The following NRCAM variants were observed in gnomAD, a reference collection of about 807,000 sequenced individuals.
NRCAM encodes the protein NgCAM-related cell adhesion molecule.
NRCAM carries 83 observed loss-of-function variants against 156.5 expected under a neutral mutation model. The ratio of observed to expected loss-of-function variants is 0.53; its 90% CI spans 0.44 to 0.64. The LOEUF (loss-of-function observed/expected upper bound fraction) is 0.64, where lower values mean the gene tolerates loss of function less well. NRCAM is among the 30% of genes least tolerant of loss of function. NRCAM has a pLI of 0.00. For synonymous variants in NRCAM, 538 were observed against 563.9 expected, an observed-to-expected ratio of 0.95 and a Z score of 0.65; for missense variants, 1,417 against 1,597.3, an observed-to-expected ratio of 0.89 and a Z score of 1.92.
At chr7:108,260,804 A>T (rs1269653) in intron 3 of NRCAM, among the ~76,000 whole-genome samples, 58,102 of 151,982 alleles carry the variant, frequency 0.38, 12,997 homozygotes, top group East Asian at 0.86. Context: ...GGTGTTGGGC[A>T]CAATGTATAT....
At chr7:108,331,407 T>TAA (rs556575286) in intron 2 of NRCAM, among the ~76,000 whole-genome samples, 1 of 146,940 alleles carries the variant, frequency 6.8e-6, no homozygotes, top group African/African-American at 2.5e-5. Flanking sequence ...TCTCTAAACT[T>TAA]AAAAAAAAAA....
At chr7:108,388,985 G>T (rs1394794069) in intron 2 of NRCAM, among the ~76,000 whole-genome samples, 1 of 152,092 alleles carries the variant, frequency 6.6e-6, no homozygotes, top group Non-Finnish European at 1.5e-5. Context: ...TTTGAAGTCA[G>T]GTAGCATGAT....
intron 3 of NRCAM, among the ~76,000 whole-genome samples, chr7:108,270,466 T>C (rs1274701172): frequency 2.0e-5 from 3 of 152,238 alleles, no homozygotes; most frequent in Non-Finnish European, 2.9e-5. Flanking sequence ...ATGCTGAATT[T>C]CTGCTATTGA....
chr7:108,328,359 G>A (rs2267887), intron 2 of NRCAM: 84,410 of 152,038 alleles, frequency 0.56, 23,846 homozygotes, highest in Non-Finnish European at 0.61. Flanking sequence ...ACAAAAACCA[G>A]CCAGTCTCTG....
chr7:108,429,933 C>G (rs1306613668), intron 1 of NRCAM, among the ~76,000 whole-genome samples: 3 of 152,164 alleles, frequency 2.0e-5, no homozygotes, highest in African/African-American at 7.2e-5. Flanking sequence ...AAGGTGACAT[C>G]AGAGGAAAAA....
chr7:108,455,818 C>T (rs569723515), intron 1 of NRCAM, among the ~76,000 whole-genome samples: 1 of 152,164 alleles, frequency 6.6e-6, no homozygotes, highest in African/African-American at 2.4e-5. Flanking sequence ...CCCGCGCCTC[C>T]GTGTCCAAGC....
At chr7:108,248,110 A>C (rs973519452) in intron 3 of NRCAM, among the ~76,000 whole-genome samples, 2 of 152,166 alleles carry the variant, frequency 1.3e-5, no homozygotes, top group African/African-American at 4.8e-5. Flanking sequence ...GTAAACTGAG[A>C]TTTCTACAAA....
intron 3 of NRCAM, among the ~76,000 whole-genome samples, chr7:108,246,387 C>A (rs532805648): frequency 1.3e-5 from 2 of 152,108 alleles, no homozygotes. Context: ...GAGTGACCAA[C>A]TAAGTGGTAA....
At chr7:108,391,227 T>C (rs566825197) in intron 2 of NRCAM, among the ~76,000 whole-genome samples, 70 of 152,246 alleles carry the variant, frequency 4.6e-4, no homozygotes, top group African/African-American at 1.7e-3. Flanking sequence ...TGTAGGTCAC[T>C]AAGGACTTGC....
At chr7:108,312,853 T>G (rs919952168) in intron 2 of NRCAM, 122 bp from the exon 3 acceptor site, 2 of 152,172 alleles carry the variant, frequency 1.3e-5, no homozygotes, top group African/African-American at 4.8e-5. Context: ...GAGAGAGCCC[T>G]GCAAGGAAGA....
intron 2 of NRCAM, among the ~76,000 whole-genome samples, chr7:108,387,507 G>A (rs2099744525): frequency 1.3e-5 from 2 of 151,884 alleles, no homozygotes; most frequent in Non-Finnish European, 1.5e-5. Flanking sequence ...TCAAATCCTG[G>A]CAACAACTCA....
intron 3 of NRCAM, among the ~76,000 whole-genome samples, chr7:108,264,182 G>A (rs913260739): frequency 2.0e-5 from 3 of 152,032 alleles, no homozygotes; most frequent in African/African-American, 7.3e-5. Context: ...TCACCATTTG[G>A]CCACTTTGGT....
At chr7:108,228,325 C>CAAA (rs372234122) in intron 8 of NRCAM, among the ~76,000 whole-genome samples, 4,492 of 144,064 alleles carry the variant, frequency 0.031, 205 homozygotes, top group African/African-American at 0.11. Context: ...CCATCTAAAA[C>CAAA]AAAAAAAAAA....
At position 108,450,819 on chromosome 7, in the gene NRCAM, A is replaced by T. The variant is rs149226007; in HGVS notation, c.-332+5424T>A. On this transcript the variant is annotated intron_variant, in intron 1 of 32. Coordinates refer to ENST00000379028, the MANE Select transcript of NRCAM (RefSeq NM_001037132.4). ...TGCACAAAGTATGTAATCAATTAAT[A>T]CTTGTTGAAAACCATATACCTCCAT... Among the ~76,000 whole-genome samples the T allele has an allele frequency of 9.8e-5, 15 of 152,360 alleles. No homozygotes were observed. The East Asian group carries it at 2.9e-3, about 29-fold the overall frequency.
chr7:108,195,938 G>A (rs546683403), intron 14 of NRCAM, 66 bp from the exon 15 acceptor site: 15 of 1,072,730 alleles, frequency 1.4e-5, no homozygotes, highest in Non-Finnish European at 2.0e-5. Context: ...TTTATTTATT[G>A]TATTTTGTTT....
chr7:108,281,326 C>A (rs1352969024), intron 3 of NRCAM, among the ~76,000 whole-genome samples: 1 of 151,884 alleles, frequency 6.6e-6, no homozygotes, highest in African/African-American at 2.4e-5. Flanking sequence ...TTAATCCCAA[C>A]ACTGTGGGCA....
intron 3 of NRCAM, among the ~76,000 whole-genome samples, chr7:108,275,725 C>CT (rs2097570115): frequency 6.6e-6 from 1 of 152,110 alleles, no homozygotes; most frequent in Non-Finnish European, 1.5e-5. Context: ...TTTCGTGTCT[C>CT]TATCTCCTTC....
At chr7:108,280,011 C>T (rs1467262511) in intron 3 of NRCAM, among the ~76,000 whole-genome samples, 1 of 152,198 alleles carries the variant, frequency 6.6e-6, no homozygotes, top group African/African-American at 2.4e-5. Context: ...CACTCCGCTT[C>T]AGCAGCCTGG....
intron 11 of NRCAM, among the ~76,000 whole-genome samples, chr7:108,211,073 G>A (rs1196489141): frequency 1.3e-5 from 2 of 152,252 alleles, no homozygotes; most frequent in Non-Finnish European, 2.9e-5. Context: ...GAATTGGACT[G>A]CTCCTGCAGG....
Sources: gnomAD v4.1 joint callset for allele counts (sites outside exome capture counted in the v4.1 genomes callset) on GRCh38, gnomAD v4.1.1 for gene constraint, MANE v1.5 for transcripts, NCBI Gene and HGNC (gene_info 2026-07-23, HGNC 2026-07-21) for gene names.